Variants in CHSY3 observed in about 807,000 individuals in gnomAD.
CHSY3 encodes the protein N-acetylgalactosaminyl-proteoglycan 3-beta-glucuronosyltransferase 3.
In CHSY3, 35 loss-of-function variants were observed where a neutral mutation model predicts 67.2. That is an observed-to-expected ratio of 0.52 (90% CI 0.40 to 0.69). The LOEUF (loss-of-function observed/expected upper bound fraction) is 0.69, where lower values mean the gene tolerates loss of function less well. Among genes scored for constraint, CHSY3 ranks in the 30% least tolerant of loss-of-function variants. The pLI, the probability that CHSY3 is intolerant of heterozygous loss-of-function variation, is 0.00. For missense variants in CHSY3, 1,069 were observed against 1,138.5 expected, an observed-to-expected ratio of 0.94 and a Z score of 0.88; for synonymous variants, 474 against 434.7, an observed-to-expected ratio of 1.09 and a Z score of -1.12.
At chr5:130,031,766 C>T (rs1764709614) in intron 2 of CHSY3, among the ~76,000 whole-genome samples, 1 of 152,140 alleles carries the variant, frequency 6.6e-6, no homozygotes, top group African/African-American at 2.4e-5. Flanking sequence ...ATCTAATGGA[C>T]ATAGTATCTT....
At chr5:130,071,119 A>G (rs1452873426) in intron 2 of CHSY3, among the ~76,000 whole-genome samples, 1 of 151,966 alleles carries the variant, frequency 6.6e-6, no homozygotes, top group Non-Finnish European at 1.5e-5. Context: ...TCTAGTGCCC[A>G]ACACTGGCAA....
At chr5:130,095,747 T>A (rs1028795541) in intron 2 of CHSY3, among the ~76,000 whole-genome samples, 22 of 152,248 alleles carry the variant, frequency 1.4e-4, no homozygotes, top group African/African-American at 4.6e-4. Context: ...GATATTTGCA[T>A]AGTCTCAAAG....
chr5:129,991,509 G>C (rs962643840), intron 2 of CHSY3, among the ~76,000 whole-genome samples: 1 of 152,116 alleles, frequency 6.6e-6, no homozygotes, highest in African/African-American at 2.4e-5. Context: ...ATATATTTAA[G>C]AGTTTGTTCC....
intron 2 of CHSY3, among the ~76,000 whole-genome samples, chr5:130,088,048 C>T (rs1403192104): frequency 2.0e-5 from 3 of 152,112 alleles, no homozygotes; most frequent in East Asian, 1.9e-4. Context: ...GAACAGAGCT[C>T]TCAGAAATAA....
chr5:130,185,202 C>T lies in CHSY3; in HGVS notation c.2060C>T (p.Thr687Ile), dbSNP rs753473359. Residue 687 changes from threonine (T) to isoleucine (I), a missense_variant, in exon 3 of 3, where the codon ACC (threonine) becomes ATC (isoleucine). Transcript: ENST00000305031. ...AACAAGTACCCCAAAGCAGAAATGA[C>T]CCTGATCCCAATGAAGGGAGAGTTT... is the stretch of plus-strand genomic sequence containing the variant. ...YQNKYPKAEM[T>I]LIPMKGEFSR... 4 of 1,610,314 alleles carry T rather than the reference C, an allele frequency of 2.5e-6. No individual in the cohort carries two copies. The East Asian group carries it at 8.9e-5, about 36-fold the overall frequency.
intron 2 of CHSY3, among the ~76,000 whole-genome samples, chr5:129,965,087 G>C (rs750930079): frequency 6.6e-6 from 1 of 151,964 alleles, no homozygotes; most frequent in Non-Finnish European, 1.5e-5. Flanking sequence ...TTGTGTGTCA[G>C]TGAGGATTTG....
chr5:130,132,086 C>A (rs750332838), intron 2 of CHSY3, among the ~76,000 whole-genome samples: 4 of 152,104 alleles, frequency 2.6e-5, no homozygotes, highest in Non-Finnish European at 4.4e-5. Context: ...CCATTTAGCC[C>A]ATTTTGAACT....
At chr5:130,013,311 A>G (rs559898892) in intron 2 of CHSY3, among the ~76,000 whole-genome samples, 2 of 152,218 alleles carry the variant, frequency 1.3e-5, no homozygotes, top group Non-Finnish European at 2.9e-5. Flanking sequence ...TTGGAGGACA[A>G]TGGCCCTCTT....
rs1770378611 is a variant in CHSY3 at position 130,185,184 on chromosome 5, A to T, written c.2042A>T (p.Tyr681Phe). 1.9e-6 allele frequency: 3 copies of T among 1,611,568 alleles called. No homozygotes were observed. The change falls in exon 3 of 3, where the codon TAC becomes TTC. Residue 681 changes from tyrosine to phenylalanine, a missense_variant. By Grantham distance (22) the Tyr-to-Phe change is conservative. Coordinates refer to ENST00000305031, the MANE Select transcript of CHSY3 (RefSeq NM_175856.5). ...CTGATAAAAGGGTACCAGAACAAGTACCCCAAAGCAGAAATGACCCTGATC... is the reference window on the plus strand; with the variant it reads ...CTGATAAAAGGGTACCAGAACAAGTTCCCCAAAGCAGAAATGACCCTGATC... ...IELIKGYQNK[Y>F]PKAEMTLIPM...
chr5:130,094,835 A>C (rs1317424477), intron 2 of CHSY3, among the ~76,000 whole-genome samples: 1 of 152,138 alleles, frequency 6.6e-6, no homozygotes, highest in African/African-American at 2.4e-5. Context: ...TTTAGACTGG[A>C]TACTATAAAA....
At chr5:130,119,878 C>G (rs1287352097) in intron 2 of CHSY3, among the ~76,000 whole-genome samples, 2 of 151,694 alleles carry the variant, frequency 1.3e-5, no homozygotes, top group African/African-American at 4.8e-5. Flanking sequence ...GTTTTTATAC[C>G]CATGAAAAAA....
At chr5:129,946,657 T>A (rs1192026098) in intron 2 of CHSY3, among the ~76,000 whole-genome samples, 1 of 152,218 alleles carries the variant, frequency 6.6e-6, no homozygotes. Flanking sequence ...TCTATGAGTT[T>A]GACTCTTTTA....
chr5:130,138,312 G>C (rs1022611359), intron 2 of CHSY3, among the ~76,000 whole-genome samples: 2 of 152,192 alleles, frequency 1.3e-5, no homozygotes, highest in Non-Finnish European at 2.9e-5. Context: ...CTAAGGGCAG[G>C]CTGTGACCTG....
intron 2 of CHSY3, among the ~76,000 whole-genome samples, chr5:130,178,248 T>C (rs1561571875): frequency 1.3e-5 from 1 of 79,528 alleles, no homozygotes; most frequent in African/African-American, 5.8e-5. Flanking sequence ...TATATATATA[T>C]ATATATTTTT....
intron 2 of CHSY3, among the ~76,000 whole-genome samples, chr5:130,122,074 T>A (rs1418381311): frequency 6.6e-6 from 1 of 152,208 alleles, no homozygotes; most frequent in Non-Finnish European, 1.5e-5. Flanking sequence ...TTTGTTAGTC[T>A]ATAAGTCAGT....
intron 2 of CHSY3, among the ~76,000 whole-genome samples, chr5:130,066,224 A>G (rs537208799): frequency 6.6e-6 from 1 of 152,138 alleles, no homozygotes; most frequent in African/African-American, 2.4e-5. Flanking sequence ...TTCCTGACCA[A>G]AATCATCTAT....
At chr5:130,006,831 A>G (rs1763891431) in intron 2 of CHSY3, among the ~76,000 whole-genome samples, 1 of 152,220 alleles carries the variant, frequency 6.6e-6, no homozygotes, top group South Asian at 2.1e-4. Context: ...CCATATAGAT[A>G]CAATCTTTAA....
At chr5:130,143,764 G>A (rs1398111145) in intron 2 of CHSY3, among the ~76,000 whole-genome samples, 19 of 98,450 alleles carry the variant, frequency 1.9e-4, no homozygotes, top group African/African-American at 6.7e-4. Context: ...ATATGTGTGT[G>A]TGTGTATATA....
intron 2 of CHSY3, among the ~76,000 whole-genome samples, chr5:129,952,328 A>G (rs1762047348): frequency 6.6e-6 from 1 of 152,170 alleles, no homozygotes; most frequent in South Asian, 2.1e-4. Flanking sequence ...TTTCTTTTGA[A>G]GACCCCTGGA....
Sources: allele counts gnomAD v4.1 joint callset (sites outside exome capture counted in the v4.1 genomes callset), GRCh38; gene constraint gnomAD v4.1.1; transcripts MANE v1.5; gene names NCBI Gene and HGNC (gene_info 2026-07-23, HGNC 2026-07-21).